NOS1: variants seen among roughly 807,000 people sequenced by gnomAD.
NOS1 encodes the protein nitric oxide synthase 1.
In NOS1, 51 loss-of-function variants were observed where a neutral mutation model predicts 164.5. The ratio of observed to expected loss-of-function variants is 0.31; its 90% CI spans 0.25 to 0.39. NOS1 has a LOEUF of 0.39. Among genes scored for constraint, NOS1 ranks in the 10% least tolerant of loss-of-function variants. The pLI is 1.00. For synonymous variants in NOS1, 719 were observed against 745.8 expected (o/e 0.96, Z 0.59); for missense variants, 1,362 against 1,885.6 (o/e 0.72, Z 5.14).
intron 3 of NOS1, among the ~76,000 whole-genome samples, chr12:117,295,748 T>A (rs575812179): frequency 6.6e-6 from 1 of 150,914 alleles, no homozygotes; most frequent in Non-Finnish European, 1.5e-5. Context: ...GCCTCCTGAG[T>A]AGCTGGGATT....
At chr12:117,278,382 G>A (rs965020914) in intron 8 of NOS1, among the ~76,000 whole-genome samples, 1 of 152,174 alleles carries the variant, frequency 6.6e-6, no homozygotes, top group African/African-American at 2.4e-5. Flanking sequence ...GTTCTCATGG[G>A]CCCACAGGAC....
At chr12:117,292,898 T>G (rs916493568) in intron 3 of NOS1, among the ~76,000 whole-genome samples, 4 of 152,088 alleles carry the variant, frequency 2.6e-5, no homozygotes, top group African/African-American at 4.8e-5. Context: ...GCCATTGCAA[T>G]CGATTTAGCA....
intron 12 of NOS1, among the ~76,000 whole-genome samples, chr12:117,264,230 ACT>A (rs1872184159): frequency 6.6e-6 from 1 of 151,620 alleles, no homozygotes. Context: ...TCCCTCTCAA[ACT>A]CTGTTCTTGT....
intron 28 of NOS1, among the ~76,000 whole-genome samples, chr12:117,215,946 C>T (rs562201673): frequency 1.7e-3 from 238 of 137,942 alleles, no homozygotes; most frequent in African/African-American, 6.3e-3. Context: ...GACGTGATCT[C>T]GGCTGGCTGC....
At chr12:117,233,839 T>A (rs1302106686) in intron 21 of NOS1, among the ~76,000 whole-genome samples, 1 of 148,684 alleles carries the variant, frequency 6.7e-6, no homozygotes, top group Non-Finnish European at 1.5e-5. Flanking sequence ...AAAGAGGGTA[T>A]GTCTCTCTAA....
intron 1 of NOS1, among the ~76,000 whole-genome samples, chr12:117,340,781 T>C (rs1428365142): frequency 1.3e-5 from 2 of 151,556 alleles, no homozygotes; most frequent in South Asian, 2.1e-4. Flanking sequence ...CTGAGTGCAG[T>C]GGCGTGATCT....
Position 117,265,415 on chromosome 12 carries a change from G to A in NOS1, c.2037C>T (p.Ala679=), listed in dbSNP as rs373128855. 29 of 1,595,790 alleles carry A rather than the reference G, an allele frequency of 1.8e-5. No individual in the cohort carries two copies. The highest frequency in any genetic ancestry group is 6.8e-5 in the East Asian group (3 of 44,098). The change falls in exon 12 of 29, where the codon GCC becomes GCT. Residue 679 remains alanine (A), a synonymous_variant. Coordinates refer to ENST00000317775, the MANE Select transcript of NOS1 (RefSeq NM_000620.5). ...TGGGGGGCACGATCCACACCCAGTC[G>A]GCAGGGCAGCCCCCCCGGCAGCGGT... is the stretch of plus-strand genomic sequence containing the variant. ...NEYRCRGGCP[A]DWVWIVPPMS...
chr12:117,358,380 T>A (rs1316594024), intron 1 of NOS1, among the ~76,000 whole-genome samples: 2 of 151,860 alleles, frequency 1.3e-5, no homozygotes, highest in African/African-American at 4.8e-5. Context: ...AGATGGAGGC[T>A]CCTGGGGACT....
chr12:117,357,682 C>T (rs1876918178), intron 1 of NOS1, among the ~76,000 whole-genome samples: 1 of 152,162 alleles, frequency 6.6e-6, no homozygotes, highest in Non-Finnish European at 1.5e-5. Flanking sequence ...TCCAGTCTCC[C>T]CCAGGAATGC....
rs930246302 is a variant in NOS1, at chr12:117,213,983, T to C, written c.*1326A>G. On this transcript the variant is annotated 3_prime_UTR_variant, in exon 29 of 29. Transcript: ENST00000317775. Reference sequence around the variant, plus strand: ...TTTGATCTGAGTTGAGGGTAACTTATTTGTCAAAATTAATTTAACAGGTTT... The same window carrying C: ...TTTGATCTGAGTTGAGGGTAACTTACTTGTCAAAATTAATTTAACAGGTTT... 3.0e-6 allele frequency: 3 copies of C among 985,268 alleles called. No homozygotes were observed. In the African/African-American group the frequency reaches 5.2e-5, roughly 17 times the overall value. The allele number at this position is 985,268 out of a possible 1,614,324, so 61.0% of individuals were successfully genotyped here.
In NOS1 at chr12:117,248,185, CTT is replaced by C. The variant is rs34494717; in HGVS notation, c.2649-665_2649-664del. On this transcript the variant is annotated intron_variant, in intron 17 of 28. Transcript: ENST00000317775. Reference sequence around the variant, plus strand: ...TACCATGAGAAAATAAATTTCTATTCTTTTTTTTTTTAAATTTATTATTATTA... The same window carrying C: ...TACCATGAGAAAATAAATTTCTATTCTTTTTTTTTAAATTTATTATTATTA... Among the ~76,000 whole-genome samples the C allele has an allele frequency of 6.7e-5, 10 of 148,708 alleles. No homozygotes were observed. The East Asian group carries it at 7.9e-4, about 12-fold the overall frequency.
At position 117,210,137 on chromosome 12, in the gene NOS1, TAA is replaced by T; in HGVS notation, c.*5170_*5171del. On this transcript the variant is annotated 3_prime_UTR_variant, in exon 29 of 29. Coordinates refer to ENST00000317775, the MANE Select transcript of NOS1 (RefSeq NM_000620.5). ...ACAGGAGCATGCCATCATGCCCAGC[TAA>T]TTTTTTTTTTTTTTTTTTTTTAGTA... 1 of 444,536 alleles carries T rather than the reference TAA, an allele frequency of 2.2e-6. No individual in the cohort carries two copies. The highest frequency in any genetic ancestry group is 2.8e-6 in the Non-Finnish European group (1 of 355,640). The allele number at this position is 444,536 out of a possible 1,614,324, so 27.5% of individuals were successfully genotyped here. A position where few individuals can be genotyped will look rare whatever the true frequency, so the allele number is the denominator to read the frequency against.
intron 1 of NOS1, among the ~76,000 whole-genome samples, chr12:117,332,356 G>A (rs1875588758): frequency 6.6e-6 from 1 of 152,158 alleles, no homozygotes; most frequent in South Asian, 2.1e-4. Flanking sequence ...CTTGTCCAAG[G>A]TCACATAGAG....
rs921159090 is a variant in NOS1, at chr12:117,215,212, G to A, written c.*97C>T. Reference sequence around the variant, plus strand: ...AACCAGGGCACAGCGACAAGGACAGGAGGCAGAGCGAGGGCCACAGGGGGT... The same window carrying A: ...AACCAGGGCACAGCGACAAGGACAGAAGGCAGAGCGAGGGCCACAGGGGGT... On this transcript the variant is annotated 3_prime_UTR_variant, in exon 29 of 29. Transcript: ENST00000317775. 12 of 1,386,820 alleles carry A rather than the reference G, an allele frequency of 8.7e-6. No homozygotes were observed. Among genetic ancestry groups the A allele is most frequent in the Non-Finnish European group, 1.1e-5 (12 of 1,059,706 alleles). 85.9% of individuals were successfully genotyped at this position (1,386,820 alleles called of 1,614,324 possible).
intron 25 of NOS1, among the ~76,000 whole-genome samples, chr12:117,224,254 G>T (rs904567845): frequency 3.3e-5 from 5 of 152,078 alleles, no homozygotes; most frequent in Non-Finnish European, 5.9e-5. Flanking sequence ...CACTCATTAG[G>T]TGCTCAATAA....
rs560323099 is a variant in NOS1 at position 117,242,060 on chromosome 12, A to G, written c.3041+567T>C. ...AATAAACTTATTTTAGGTGTCACAG[A>G]GAGTAAAACTGGGTTTAAAATAAAG... On this transcript the variant is annotated intron_variant, in intron 20 of 28. Coordinates refer to ENST00000317775, the MANE Select transcript of NOS1 (RefSeq NM_000620.5). Among the ~76,000 whole-genome samples the G allele has an allele frequency of 1.3e-5, 2 of 152,370 alleles. 1 individual carries two copies. Among genetic ancestry groups the G allele is most frequent in the Admixed American group, 1.3e-4 (2 of 15,302 alleles).
At chr12:117,215,421 A>AG (rs1956590862) in intron 28 of NOS1, 97 bp from the exon 29 acceptor site, 1 of 1,335,324 alleles carries the variant, frequency 7.5e-7, no homozygotes, top group African/African-American at 1.5e-5. Flanking sequence ...CTCTGGGCTC[A>AG]GGGGCTTTGT....
chr12:117,254,557 C>T (rs1871304104), intron 16 of NOS1, among the ~76,000 whole-genome samples: 1 of 152,202 alleles, frequency 6.6e-6, no homozygotes, highest in Admixed American at 6.5e-5. Context: ...TTTTAAGTAG[C>T]TAGAAACTAG....
At chr12:117,358,790 A>C (rs564144320) in intron 1 of NOS1, among the ~76,000 whole-genome samples, 1 of 152,310 alleles carries the variant, frequency 6.6e-6, no homozygotes, top group African/African-American at 2.4e-5. Flanking sequence ...ACTTTGGGGA[A>C]AAAAATCACA....
Sources: gnomAD v4.1 joint callset for allele counts (sites outside exome capture counted in the v4.1 genomes callset) on GRCh38, gnomAD v4.1.1 for gene constraint, MANE v1.5 for transcripts, NCBI Gene and HGNC (gene_info 2026-07-23, HGNC 2026-07-21) for gene names.